Variants in CAMSAP1 observed in about 807,000 individuals in gnomAD.
CAMSAP1 encodes calmodulin regulated spectrin associated protein 1.
In CAMSAP1, 58 loss-of-function variants were observed where a neutral mutation model predicts 143.5. The ratio of observed to expected loss-of-function variants is 0.40; its 90% CI spans 0.33 to 0.50. CAMSAP1 has a LOEUF of 0.50. CAMSAP1 is among the 20% of genes least tolerant of loss of function. The pLI is 0.45. For missense variants in CAMSAP1, 1,969 were observed against 2,115.7 expected (o/e 0.93, Z 1.36); for synonymous variants, 945 against 859.3 (o/e 1.10, Z -1.74).
At chr9:135,847,641 T>G (rs1381702352) in intron 7 of CAMSAP1, among the ~76,000 whole-genome samples, 1 of 148,796 alleles carries the variant, frequency 6.7e-6, no homozygotes, top group Non-Finnish European at 1.5e-5. Flanking sequence ...TACTCATAAG[T>G]GGGAGTTGAA....
intron 7 of CAMSAP1, 71 bp downstream of exon 7, chr9:135,850,066 T>C: frequency 1.6e-6 from 2 of 1,250,548 alleles, no homozygotes; most frequent in African/African-American, 1.5e-5. Flanking sequence ...ATGGAACCAC[T>C]GGAGAGTGCT....
At chr9:135,899,839 T>C (rs1838564438) in intron 1 of CAMSAP1, among the ~76,000 whole-genome samples, 1 of 152,132 alleles carries the variant, frequency 6.6e-6, no homozygotes, top group Non-Finnish European at 1.5e-5. Context: ...CATTCCAGAT[T>C]CCCTCAGGGG....
Position 135,821,209 on chromosome 9 carries a change from T to C in CAMSAP1, c.3452A>G (p.Asp1151Gly), listed in dbSNP as rs1310333836. The C allele has an allele frequency of 1.2e-6, 2 of 1,609,160 alleles. No homozygotes were observed. The highest frequency in any genetic ancestry group is 1.7e-6 in the Non-Finnish European group (2 of 1,179,872). Residue 1151 changes from aspartate (D) to glycine (G), a missense_variant, in exon 11 of 17, where the codon GAC becomes GGC. By Grantham distance (94) the Asp-to-Gly change is moderately conservative. This residue lies in a region of CAMSAP1 where 1,390 missense variants were observed against 1,420.8 expected (regional missense o/e 0.98). Transcript: ENST00000389532. This position sits in a 1 kb window ranked among gnomAD's most constrained non-coding sequence, Gnocchi z 4.6. ...HPRTPTDPGL[D>G]SALEPSGDPH... The stretch of plus-strand genomic sequence containing the variant: ...GTCACCACTGGGCTCCAGGGCACTG[T>C]CCAGGCCAGGGTCCGTGGGCGTCCG...
At chr9:135,906,893 G>A in intron 1 of CAMSAP1, 107 bp downstream of exon 1, 3 of 661,740 alleles carry the variant, frequency 4.5e-6, no homozygotes, top group Non-Finnish European at 5.6e-6. Flanking sequence ...GTGCGGACGC[G>A]GCACAAAGGC....
chr9:135,822,776 T>C lies in CAMSAP1; in HGVS notation c.1885A>G (p.Ser629Gly). Residue 629 changes from serine to glycine, a missense_variant, in exon 11 of 17, where the codon AGC becomes GGC. Around this residue, in one of 4 missense-constraint regions of CAMSAP1, gnomAD observed 1,390 missense variants for 1,420.8 expected, o/e 0.98. Coordinates refer to ENST00000389532, the MANE Select transcript of CAMSAP1 (RefSeq NM_015447.4). This position sits in a 1 kb window ranked among gnomAD's most constrained non-coding sequence, Gnocchi z 6.1. Reference sequence around the variant, plus strand: ...CGTACCAAAGGCTGGGGGCCCTCGCTGGGCCTCCTAGACACGATGCTCCTC... The same window carrying C: ...CGTACCAAAGGCTGGGGGCCCTCGCCGGGCCTCCTAGACACGATGCTCCTC... ...RPRSIVSRRPSEGPQPLVRRK... is the reference protein window; with the variant it reads ...RPRSIVSRRPGEGPQPLVRRK... 3 of 1,613,838 alleles carry C rather than the reference T, an allele frequency of 1.9e-6. No homozygotes were observed. The highest frequency in any genetic ancestry group is 2.5e-6 in the Non-Finnish European group (3 of 1,179,836).
At chr9:135,816,947 G>A (rs192525561) in intron 14 of CAMSAP1, among the ~76,000 whole-genome samples, 39 of 152,252 alleles carry the variant, frequency 2.6e-4, no homozygotes, top group Admixed American at 1.6e-3. Flanking sequence ...GAGCGGTCCC[G>A]GGGCCCACCT....
In CAMSAP1 at chr9:135,826,447, C is replaced by T. The variant is rs1835674749; in HGVS notation, c.1223+960G>A. The T allele has an allele frequency of 6.6e-6, 1 of 152,520 alleles. No homozygotes were observed. The highest frequency in any genetic ancestry group is 1.5e-5 in the Non-Finnish European group (1 of 68,104). 9.4% of individuals were successfully genotyped at this position (152,520 alleles called of 1,614,324 possible). On this transcript the variant is annotated intron_variant, in intron 8 of 16. Transcript: ENST00000389532. This position sits in a 1 kb window ranked among gnomAD's most constrained non-coding sequence, Gnocchi z 4.4. ...AACCCCTCCCTCAGCTATGCCCCAC[C>T]CCTGGGTGTGTACCCCCCCACCACT...
chr9:135,905,339 C>G (rs1407957228), intron 1 of CAMSAP1, among the ~76,000 whole-genome samples: 7 of 152,226 alleles, frequency 4.6e-5, no homozygotes. Context: ...AATGCATGCA[C>G]CTTGCTAAAG....
At position 135,824,242 on chromosome 9, in the gene CAMSAP1, G is replaced by A. The variant is rs1835591853; in HGVS notation, c.1316-208C>T. Among the ~76,000 whole-genome samples, 1 of 152,210 alleles carries A rather than the reference G, an allele frequency of 6.6e-6. No homozygotes were observed. The highest frequency in any genetic ancestry group is 2.4e-5 in the African/African-American group (1 of 41,440). ...ACTGTGAGAGAGCTTCAGCATGTGT[G>A]AGCCCTGCTTATGTCGCAGTTACTC... On this transcript the variant is annotated intron_variant, in intron 9 of 16. Coordinates refer to ENST00000389532, the MANE Select transcript of CAMSAP1 (RefSeq NM_015447.4). The surrounding 1 kb of genome is among the most constrained non-coding windows in gnomAD (Gnocchi z 4.1).
At chr9:135,865,258 A>G in intron 4 of CAMSAP1, 1 of 1,426,148 alleles carries the variant, frequency 7.0e-7, no homozygotes, top group South Asian at 1.2e-5. Context: ...GGGTGCGAGC[A>G]GTTTTTAATG....
intron 1 of CAMSAP1, among the ~76,000 whole-genome samples, chr9:135,888,853 C>T (rs1487563789): frequency 1.3e-5 from 2 of 152,230 alleles, no homozygotes; most frequent in Non-Finnish European, 2.9e-5. Context: ...GACCACCTGA[C>T]CCCCACCCAG....
At position 135,836,993 on chromosome 9, in the gene CAMSAP1, C is replaced by T. The variant is rs543222054; in HGVS notation, c.1046-9409G>A. 13 of 955,738 alleles carry T rather than the reference C, an allele frequency of 1.4e-5. No individual in the cohort carries two copies. The East Asian group carries it at 3.5e-4, about 26-fold the overall frequency. 59.2% of individuals were successfully genotyped at this position (955,738 alleles called of 1,614,324 possible). On this transcript the variant is annotated intron_variant, in intron 7 of 16. Coordinates refer to ENST00000389532, the MANE Select transcript of CAMSAP1 (RefSeq NM_015447.4). ...CCCATTCTACAGACACACATCATCA[C>T]GCACTTTCTACCTGTTCTAGAGACA...
At chr9:135,836,332 T>C (rs1836036443) in intron 7 of CAMSAP1, 3 of 983,756 alleles carry the variant, frequency 3.0e-6, no homozygotes, top group African/African-American at 3.5e-5. Context: ...CCACGCGCCT[T>C]CTACCCATTC....
Position 135,821,883 on chromosome 9 carries a change from A to C in CAMSAP1, c.2778T>G (p.Ala926=). The change falls in exon 11 of 17, where the codon GCT becomes GCG. Residue 926 remains alanine, a synonymous_variant. Transcript: ENST00000389532. This position sits in a 1 kb window ranked among gnomAD's most constrained non-coding sequence, Gnocchi z 4.6. The part of the protein sequence containing the change: ...LHVVKKGKAE[A]APPLRPEHFA... Reference sequence around the variant, plus strand: ...AGTGCTCCGGCCTGAGGGGTGGGGCAGCCTCGGCCTTGCCCTTCTTCACCA... The same window carrying C: ...AGTGCTCCGGCCTGAGGGGTGGGGCCGCCTCGGCCTTGCCCTTCTTCACCA... 1 of 1,613,996 alleles carries C rather than the reference A, an allele frequency of 6.2e-7. No homozygotes were observed.
chr9:135,868,711 A>G (rs112248385), intron 3 of CAMSAP1, among the ~76,000 whole-genome samples: 20,865 of 139,134 alleles, frequency 0.15, 1,622 homozygotes, highest in Non-Finnish European at 0.18. Context: ...TCCGCCTCCC[A>G]TGTCTCGCCA....
In CAMSAP1 at chr9:135,818,264, A is replaced by T. The variant is rs1409405953; in HGVS notation, c.4168+144T>A. On this transcript the variant is annotated intron_variant, in intron 13 of 16. Transcript: ENST00000389532. The surrounding 1 kb of genome is among the most constrained non-coding windows in gnomAD (Gnocchi z 7.7). ...ACATCTCAGAGCATCTGGTCTCAAC[A>T]TTGTCATCCATGAAACGGGGATAAT... 19 of 1,113,356 alleles carry T rather than the reference A, an allele frequency of 1.7e-5. No homozygotes were observed. In the South Asian group the frequency reaches 2.8e-4, roughly 16 times the overall value. 69.0% of individuals were successfully genotyped at this position (1,113,356 alleles called of 1,614,324 possible).
intron 5 of CAMSAP1, among the ~76,000 whole-genome samples, chr9:135,854,216 T>C (rs1006471223): frequency 8.5e-5 from 13 of 152,170 alleles, no homozygotes; most frequent in African/African-American, 2.4e-5. Flanking sequence ...TTTGTAGTTA[T>C]GGGTCTATTT....
Position 135,821,952 on chromosome 9 carries a change from C to A in CAMSAP1, c.2709G>T (p.Ser903=), listed in dbSNP as rs376729044. ...TGCCGAGCTTCAGGCGCTGCCTTGC[C>A]GACAGCGCCTCCATCTTCTTCTTCT... ...EAQKKKMEAL[S]ARQRLKLGKA... is the part of the protein sequence containing the mutation. Residue 903 remains serine, a synonymous_variant, in exon 11 of 17, where the codon TCG becomes TCT. Transcript: ENST00000389532. The surrounding 1 kb of genome is among the most constrained non-coding windows in gnomAD (Gnocchi z 4.6). The A allele has an allele frequency of 1.9e-6, 3 of 1,612,608 alleles. No individual in the cohort carries two copies. The South Asian group carries it at 3.3e-5, about 18-fold the overall frequency.
chr9:135,843,578 A>G (rs930835680), intron 7 of CAMSAP1, among the ~76,000 whole-genome samples: 1 of 152,130 alleles, frequency 6.6e-6, no homozygotes, highest in African/African-American at 2.4e-5. Context: ...GATCAATGCA[A>G]TAAGAAGAGC....
Sources: gnomAD v4.1 joint callset for allele counts (sites outside exome capture counted in the v4.1 genomes callset) on GRCh38, gnomAD v4.1.1 for gene constraint, gnomAD v4.1.1 regional missense constraint, Gnocchi (gnomAD v3.1) non-coding constraint, MANE v1.5 for transcripts, NCBI Gene and HGNC (gene_info 2026-07-23, HGNC 2026-07-21) for gene names.